The following KCNJ3 variants were observed in gnomAD, a reference collection of about 807,000 sequenced individuals.
KCNJ3 encodes the protein potassium inwardly rectifying channel subfamily J member 3, also known as G protein-activated inward rectifier potassium channel 1.
KCNJ3 carries 4 observed loss-of-function variants against 39.2 expected under a neutral mutation model. The ratio of observed to expected loss-of-function variants is 0.10; its 90% CI spans 0.05 to 0.23. The LOEUF (loss-of-function observed/expected upper bound fraction) is 0.23. Among genes scored for constraint, KCNJ3 ranks in the 10% least tolerant of loss-of-function variants. The pLI, the probability that KCNJ3 is intolerant of heterozygous loss-of-function variation, is 1.00. For missense variants in KCNJ3, 276 were observed against 634.9 expected (o/e 0.43, Z 6.08); for synonymous variants, 230 against 237.4 (o/e 0.97, Z 0.29).
At chr2:154,844,905 G>T (rs572163752) in intron 2 of KCNJ3, among the ~76,000 whole-genome samples, 1 of 152,156 alleles carries the variant, frequency 6.6e-6, no homozygotes, top group Non-Finnish European at 1.5e-5. Flanking sequence ...TGCTTCCTGG[G>T]TGAGGCGACG....
At chr2:154,760,023 A>G (rs907711645) in intron 2 of KCNJ3, among the ~76,000 whole-genome samples, 11 of 152,182 alleles carry the variant, frequency 7.2e-5, no homozygotes, top group Middle Eastern at 3.2e-3. Context: ...TAGGGAATAT[A>G]CATCAACAGA....
intron 2 of KCNJ3, among the ~76,000 whole-genome samples, chr2:154,802,233 G>A (rs1472459290): frequency 6.6e-6 from 1 of 151,236 alleles, no homozygotes; most frequent in African/African-American, 2.4e-5. Flanking sequence ...TGCGCTACCT[G>A]TAGCTTGCTT....
intron 2 of KCNJ3, among the ~76,000 whole-genome samples, chr2:154,789,887 G>A (rs1477848786): frequency 6.6e-6 from 1 of 151,982 alleles, no homozygotes; most frequent in African/African-American, 2.4e-5. Context: ...AGAATTTGAG[G>A]CAAAATAAAG....
At chr2:154,847,275 T>TA (rs1425203400) in intron 2 of KCNJ3, among the ~76,000 whole-genome samples, 1 of 152,154 alleles carries the variant, frequency 6.6e-6, no homozygotes, top group African/African-American at 2.4e-5. Flanking sequence ...AGTTTATACT[T>TA]TACATTTGGG....
At chr2:154,823,011 A>C (rs561621843) in intron 2 of KCNJ3, among the ~76,000 whole-genome samples, 1 of 151,900 alleles carries the variant, frequency 6.6e-6, no homozygotes, top group African/African-American at 2.4e-5. Flanking sequence ...ATATGAATAT[A>C]ATATTAAAAT....
chr2:154,707,879 C>T (rs1685039712), intron 1 of KCNJ3, among the ~76,000 whole-genome samples: 1 of 152,066 alleles, frequency 6.6e-6, no homozygotes, highest in African/African-American at 2.4e-5. Context: ...TTAATCAATA[C>T]TTGTTATACA....
At chr2:154,804,874 C>T (rs1686883152) in intron 2 of KCNJ3, among the ~76,000 whole-genome samples, 2 of 152,108 alleles carry the variant, frequency 1.3e-5, no homozygotes, top group Admixed American at 6.6e-5. Context: ...GTAAGAATTA[C>T]ACATTATCAG....
chr2:154,817,386 A>G (rs914560168), intron 2 of KCNJ3, among the ~76,000 whole-genome samples: 2 of 152,148 alleles, frequency 1.3e-5, no homozygotes, highest in Non-Finnish European at 1.5e-5. Flanking sequence ...ACTGAGGTTT[A>G]TGTTAGAGCT....
intron 2 of KCNJ3, among the ~76,000 whole-genome samples, chr2:154,722,795 G>C (rs1302752925): frequency 1.3e-5 from 2 of 152,138 alleles, no homozygotes; most frequent in African/African-American, 4.8e-5. Context: ...TAATTGAGTT[G>C]AGAGATGATC....
chr2:154,765,005 C>T (rs1254727140), intron 2 of KCNJ3, among the ~76,000 whole-genome samples: 1 of 152,176 alleles, frequency 6.6e-6, no homozygotes, highest in African/African-American at 2.4e-5. Flanking sequence ...CACTTTAGAA[C>T]ATTATTTCTC....
intron 2 of KCNJ3, among the ~76,000 whole-genome samples, chr2:154,747,951 A>C (rs1685775821): frequency 6.6e-6 from 1 of 151,762 alleles, no homozygotes; most frequent in Non-Finnish European, 1.5e-5. Flanking sequence ...GTTCTTACCA[A>C]ACCCAATGTT....
intron 1 of KCNJ3, among the ~76,000 whole-genome samples, chr2:154,706,323 T>C (rs997680728): frequency 3.3e-5 from 5 of 152,140 alleles, no homozygotes; most frequent in African/African-American, 9.6e-5. Flanking sequence ...AAGTTTCTTA[T>C]ATCATAATGC....
chr2:154,707,258 G>A (rs914097226), intron 1 of KCNJ3, among the ~76,000 whole-genome samples: 2 of 151,856 alleles, frequency 1.3e-5, no homozygotes, highest in African/African-American at 4.8e-5. Context: ...GTGGGGTAGG[G>A]TAATTTTGAG....
chr2:154,699,971 A>G lies in KCNJ3; in HGVS notation c.702+494A>G, dbSNP rs539295196. ...TTTTTTCTTTCCTTTTTTTCCCCCT[A>G]ATAATATTAGGAGGCGGATTACTCC... On this transcript the variant is annotated intron_variant, in intron 1 of 2. Coordinates refer to ENST00000295101, the MANE Select transcript of KCNJ3 (RefSeq NM_002239.4). This position sits in a 1 kb window ranked among gnomAD's most constrained non-coding sequence, Gnocchi z 6.4. Among the ~76,000 whole-genome samples, 4 of 151,990 alleles carry G rather than the reference A, an allele frequency of 2.6e-5. No individual in the cohort carries two copies. Among genetic ancestry groups the G allele is most frequent in the Non-Finnish European group, 5.9e-5 (4 of 67,952 alleles).
chr2:154,818,297 T>C (rs1471192264), intron 2 of KCNJ3, among the ~76,000 whole-genome samples: 1 of 152,126 alleles, frequency 6.6e-6, no homozygotes, highest in Non-Finnish European at 1.5e-5. Flanking sequence ...GGAGTTAACA[T>C]TGAAAATATT....
intron 2 of KCNJ3, 74 bp downstream of exon 2, chr2:154,709,893 A>G: frequency 6.6e-7 from 1 of 1,520,734 alleles, no homozygotes; most frequent in Non-Finnish European, 8.9e-7. Flanking sequence ...AATACCTGTC[A>G]TGAATTGGGC....
chr2:154,755,224 G>A (rs1685916842), intron 2 of KCNJ3, among the ~76,000 whole-genome samples: 1 of 151,850 alleles, frequency 6.6e-6, no homozygotes, highest in Admixed American at 6.5e-5. Context: ...TGGCATATTT[G>A]CCATTAATTT....
At chr2:154,780,067 A>G (rs1006793558) in intron 2 of KCNJ3, among the ~76,000 whole-genome samples, 2 of 152,188 alleles carry the variant, frequency 1.3e-5, no homozygotes, top group Non-Finnish European at 2.9e-5. Context: ...GAATACAGAG[A>G]ATGAAATGTA....
chr2:154,702,930 G>A (rs1231011803), intron 1 of KCNJ3, among the ~76,000 whole-genome samples: 3 of 151,870 alleles, frequency 2.0e-5, no homozygotes, highest in Non-Finnish European at 4.4e-5. Context: ...TCATGGCTAT[G>A]CTAAGTTAAT....
Sources: allele counts gnomAD v4.1 joint callset (sites outside exome capture counted in the v4.1 genomes callset), GRCh38; gene constraint gnomAD v4.1.1; non-coding constraint Gnocchi (gnomAD v3.1); transcripts MANE v1.5; gene names NCBI Gene and HGNC (gene_info 2026-07-23, HGNC 2026-07-21).